Variants in CENPP observed in about 807,000 individuals in gnomAD.
CENPP encodes the protein centromere protein P.
In CENPP, 24 loss-of-function variants were observed where a neutral mutation model predicts 35.6. That is an observed-to-expected ratio of 0.67 (90% CI 0.49 to 0.95). The LOEUF (loss-of-function observed/expected upper bound fraction) is 0.95. CENPP is among the 40% of genes least tolerant of loss of function. CENPP has a pLI of 0.00. For missense variants in CENPP, 332 were observed against 345.3 expected, an observed-to-expected ratio of 0.96 and a Z score of 0.31; for synonymous variants, 120 against 125.5, an observed-to-expected ratio of 0.96 and a Z score of 0.29.
chr9:92,437,526 C>T (rs1299976408), intron 5 of CENPP, among the ~76,000 whole-genome samples: 1 of 151,216 alleles, frequency 6.6e-6, no homozygotes, highest in East Asian at 2.0e-4. Context: ...CCTCCCACCT[C>T]AGCTTCCCGA....
At chr9:92,376,820 C>T (rs1842135146) in intron 4 of CENPP, among the ~76,000 whole-genome samples, 1 of 152,112 alleles carries the variant, frequency 6.6e-6, no homozygotes, top group South Asian at 2.1e-4. Context: ...GTGGGCAGAT[C>T]ACCTGAGGTC....
At chr9:92,516,257 G>T (rs1363419956) in intron 5 of CENPP, among the ~76,000 whole-genome samples, 3 of 152,040 alleles carry the variant, frequency 2.0e-5, no homozygotes, top group Non-Finnish European at 4.4e-5. Flanking sequence ...TAGAGATGGG[G>T]TTTCACCATG....
chr9:92,430,494 T>A (rs1391228472), intron 5 of CENPP, among the ~76,000 whole-genome samples: 1 of 151,828 alleles, frequency 6.6e-6, no homozygotes, highest in Non-Finnish European at 1.5e-5. Flanking sequence ...GTAGCTGGGA[T>A]TACAGGCACC....
At chr9:92,500,955 A>G (rs780400206) in intron 5 of CENPP, 16 of 1,614,200 alleles carry the variant, frequency 9.9e-6, no homozygotes, top group Admixed American at 3.3e-5. Flanking sequence ...GATCCGTTCA[A>G]TCTGGTTCCC....
At chr9:92,368,921 G>A (rs931489959) in intron 4 of CENPP, among the ~76,000 whole-genome samples, 6 of 152,114 alleles carry the variant, frequency 3.9e-5, no homozygotes, top group African/African-American at 1.4e-4. Flanking sequence ...CTGCCTGCCT[G>A]TAGTTATAGC....
At chr9:92,547,672 A>G (rs1260458082) in intron 5 of CENPP, among the ~76,000 whole-genome samples, 1 of 152,238 alleles carries the variant, frequency 6.6e-6, no homozygotes, top group Admixed American at 6.5e-5. Context: ...GAAGATAGGG[A>G]ATGACTGTTA....
chr9:92,600,921 G>A (rs950420946), intron 5 of CENPP, among the ~76,000 whole-genome samples: 5 of 152,150 alleles, frequency 3.3e-5, no homozygotes, highest in Non-Finnish European at 5.9e-5. Context: ...ATCCACTGAG[G>A]GCGACTGATC....
chr9:92,507,361 T>C (rs1847068497), intron 5 of CENPP, among the ~76,000 whole-genome samples: 1 of 152,248 alleles, frequency 6.6e-6, no homozygotes, highest in South Asian at 2.1e-4. Flanking sequence ...TGGAAGTTTT[T>C]CATTGAAAAA....
chr9:92,572,034 CTT>C (rs373512766), intron 5 of CENPP, among the ~76,000 whole-genome samples: 6,043 of 151,628 alleles, frequency 0.04, 182 homozygotes, highest in South Asian at 0.099. Context: ...GGTCTTGACT[CTT>C]TATCCAATTT....
chr9:92,457,341 A>T (rs1452223094), intron 5 of CENPP: 1 of 1,614,030 alleles, frequency 6.2e-7, no homozygotes, highest in Non-Finnish European at 8.5e-7. Flanking sequence ...ACACAACGAA[A>T]TGTTGCAGGT....
rs2131415414 is a variant in CENPP at position 92,619,474 on chromosome 9, T to TG, written c.*6330dup. Reference sequence around the variant, plus strand: ...TAGACCCAGGCTGCATGCCTTGCAGTGGGGGCCTCACCTGGCATCCTGCAG... The same window carrying TG: ...TAGACCCAGGCTGCATGCCTTGCAGTGGGGGGCCTCACCTGGCATCCTGCAG... On this transcript the variant is annotated 3_prime_UTR_variant, in exon 8 of 8. Transcript: ENST00000375587. The TG allele has an allele frequency of 6.3e-7, 1 of 1,576,034 alleles. No homozygotes were observed. Among genetic ancestry groups the TG allele is most frequent in the East Asian group, 2.3e-5 (1 of 43,718 alleles).
chr9:92,571,375 T>A (rs1196075890), intron 5 of CENPP, among the ~76,000 whole-genome samples: 1 of 152,226 alleles, frequency 6.6e-6, no homozygotes, highest in Non-Finnish European at 1.5e-5. Flanking sequence ...TCAGTTTCCA[T>A]GTAGTTGAGC....
intron 4 of CENPP, among the ~76,000 whole-genome samples, chr9:92,362,817 A>G (rs1841791411): frequency 6.6e-6 from 1 of 152,252 alleles, no homozygotes; most frequent in African/African-American, 2.4e-5. Flanking sequence ...CTTAAGAAAT[A>G]GATCACCATT....
intron 5 of CENPP, among the ~76,000 whole-genome samples, chr9:92,486,904 C>A (rs1362911631): frequency 6.6e-6 from 1 of 151,990 alleles, no homozygotes; most frequent in Non-Finnish European, 1.5e-5. Context: ...GCCTCAGCCT[C>A]CTGAGTAGCT....
At chr9:92,588,769 G>A (rs1008679443) in intron 5 of CENPP, among the ~76,000 whole-genome samples, 1 of 152,170 alleles carries the variant, frequency 6.6e-6, no homozygotes, top group African/African-American at 2.4e-5. Context: ...AGGTGAGAAT[G>A]TAAAGAAGGT....
chr9:92,573,189 T>C (rs998209223), intron 5 of CENPP, among the ~76,000 whole-genome samples: 12 of 152,224 alleles, frequency 7.9e-5, no homozygotes, highest in African/African-American at 2.9e-4. Flanking sequence ...ATTTTTAGAA[T>C]TTTCAGCTTT....
intron 5 of CENPP, among the ~76,000 whole-genome samples, chr9:92,572,191 C>T (rs1318347637): frequency 6.6e-6 from 1 of 152,132 alleles, no homozygotes; most frequent in East Asian, 1.9e-4. Flanking sequence ...CATTGATGGT[C>T]TTTACAATTT....
At chr9:92,466,337 C>T (rs1845311472) in intron 5 of CENPP, 1 of 1,415,950 alleles carries the variant, frequency 7.1e-7, no homozygotes, top group Non-Finnish European at 1.0e-6. Flanking sequence ...TCAAGATGTC[C>T]CATTCATTTG....
chr9:92,454,155 A>G (rs1183833784), intron 5 of CENPP, among the ~76,000 whole-genome samples: 4 of 152,158 alleles, frequency 2.6e-5, no homozygotes, highest in Non-Finnish European at 4.4e-5. Context: ...GTAAATGTTA[A>G]TGCAGTTTTG....
Sources: allele counts gnomAD v4.1 joint callset (sites outside exome capture counted in the v4.1 genomes callset), GRCh38; gene constraint gnomAD v4.1.1; transcripts MANE v1.5; gene names NCBI Gene and HGNC (gene_info 2026-07-23, HGNC 2026-07-21).